The following DSCAM variants were observed in gnomAD, a reference collection of about 807,000 sequenced individuals.
DSCAM encodes cell adhesion molecule DSCAM.
In DSCAM, 47 loss-of-function variants were observed where a neutral mutation model predicts 217.7. The ratio of observed to expected loss-of-function variants is 0.22; its 90% CI spans 0.17 to 0.28. The LOEUF (loss-of-function observed/expected upper bound fraction) is 0.28, where lower values mean the gene tolerates loss of function less well. DSCAM is among the 10% of genes least tolerant of loss of function. The pLI is 1.00. For missense variants in DSCAM, 2,080 were observed against 2,618.3 expected, an observed-to-expected ratio of 0.79 and a Z score of 4.49; for synonymous variants, 1,056 against 1,015.3, an observed-to-expected ratio of 1.04 and a Z score of -0.76.
chr21:40,584,708 G>C (rs1003115133), intron 3 of DSCAM, among the ~76,000 whole-genome samples: 2 of 152,112 alleles, frequency 1.3e-5, no homozygotes, highest in African/African-American at 4.8e-5. Context: ...CCTGCGGAGG[G>C]GGTTCTCTCG....
chr21:40,298,775 A>T (rs2073983588), intron 9 of DSCAM, among the ~76,000 whole-genome samples: 1 of 152,188 alleles, frequency 6.6e-6, no homozygotes, highest in Non-Finnish European at 1.5e-5. Context: ...GAAATTGCTC[A>T]TCAATGGACA....
chr21:40,294,824 A>C (rs2073935479), intron 10 of DSCAM, among the ~76,000 whole-genome samples: 1 of 152,188 alleles, frequency 6.6e-6, no homozygotes, highest in Admixed American at 6.5e-5. Flanking sequence ...GGGGGCAGAG[A>C]CTCTGAATAA....
intron 11 of DSCAM, among the ~76,000 whole-genome samples, chr21:40,216,429 T>A (rs16999510): frequency 0.026 from 3,892 of 152,218 alleles, 173 homozygotes; most frequent in African/African-American, 0.09. Context: ...TCCATTTTTT[T>A]ATGAAATTTA....
chr21:40,473,016 G>A (rs184706163), intron 3 of DSCAM, among the ~76,000 whole-genome samples: 43 of 152,252 alleles, frequency 2.8e-4, no homozygotes, highest in African/African-American at 9.4e-4. Context: ...CAAAGCGGAC[G>A]GTCCATACGG....
At chr21:40,807,939 A>G (rs970062400) in intron 1 of DSCAM, among the ~76,000 whole-genome samples, 3 of 152,194 alleles carry the variant, frequency 2.0e-5, no homozygotes, top group Non-Finnish European at 4.4e-5. Flanking sequence ...TTTGTTGTCT[A>G]TAGTAGAAAC....
At chr21:40,802,460 G>A (rs765005018) in intron 1 of DSCAM, among the ~76,000 whole-genome samples, 53 of 152,152 alleles carry the variant, frequency 3.5e-4, no homozygotes, top group Admixed American at 5.9e-4. Flanking sequence ...TTGTATGTGA[G>A]AAGGACATGA....
intron 1 of DSCAM, among the ~76,000 whole-genome samples, chr21:40,825,409 C>T (rs776509967): frequency 6.6e-5 from 10 of 152,046 alleles, no homozygotes; most frequent in Non-Finnish European, 1.5e-4. Flanking sequence ...CCTCTGCCTC[C>T]CGGGTTCAAG....
At chr21:40,743,836 A>T (rs2091148781) in intron 1 of DSCAM, among the ~76,000 whole-genome samples, 1 of 152,152 alleles carries the variant, frequency 6.6e-6, no homozygotes, top group South Asian at 2.1e-4. Flanking sequence ...CAATAGATCT[A>T]AATACAATTC....
intron 20 of DSCAM, among the ~76,000 whole-genome samples, chr21:40,105,069 G>T (rs1261150023): frequency 6.6e-6 from 1 of 152,068 alleles, no homozygotes; most frequent in Non-Finnish European, 1.5e-5. Context: ...GATTTCCAGG[G>T]CCTCTTTCTG....
rs73368911 is a variant in DSCAM at position 40,598,893 on chromosome 21, T to C, written c.508+93917A>G. Among the ~76,000 whole-genome samples the C allele has an allele frequency of 5.4e-3, 828 of 152,318 alleles. 11 individuals carry two copies. Among genetic ancestry groups the C allele is most frequent in the African/African-American group, 0.019 (799 of 41,574 alleles). ...TAAGTTTTTTGAATTTTAGCCAGTT[T>C]AGTAGCTATAGAGTAGTATCTCGTT... On this transcript the variant is annotated intron_variant, in intron 3 of 32. Coordinates refer to ENST00000400454, the MANE Select transcript of DSCAM (RefSeq NM_001389.5).
chr21:40,329,608 G>A (rs1020050971), intron 8 of DSCAM, among the ~76,000 whole-genome samples: 6 of 132,224 alleles, frequency 4.5e-5, no homozygotes, highest in African/African-American at 2.9e-5. Flanking sequence ...GTGAGACTCC[G>A]TCTCTAAATA....
In DSCAM at chr21:40,364,690, G is replaced by GTATATATATA. The variant is rs71186930; in HGVS notation, c.655+4399_655+4408dup. ...ACTTAAAGTACAATTAAAAAAAAGT[G>GTATATATATA]TATATATATATATATATACACACAC... On this transcript the variant is annotated intron_variant, in intron 4 of 32. Coordinates refer to ENST00000400454, the MANE Select transcript of DSCAM (RefSeq NM_001389.5). Among the ~76,000 whole-genome samples the GTATATATATA allele has an allele frequency of 2.2e-4, 32 of 144,066 alleles. 1 individual carries two copies. The highest frequency in any genetic ancestry group is 3.9e-4 in the African/African-American group (15 of 38,614). The allele number at this position is 144,066 out of a possible 152,430, so 94.5% of individuals were successfully genotyped here.
intron 11 of DSCAM, among the ~76,000 whole-genome samples, chr21:40,216,538 T>C (rs574006037): frequency 4.6e-5 from 7 of 152,338 alleles, no homozygotes; most frequent in African/African-American, 1.2e-4. Flanking sequence ...CTTATCTACA[T>C]GGATATCTAT....
chr21:40,046,483 T>C (rs2088842591), intron 30 of DSCAM, among the ~76,000 whole-genome samples: 2 of 151,614 alleles, frequency 1.3e-5, no homozygotes, highest in African/African-American at 4.8e-5. Flanking sequence ...CAACCAGGTA[T>C]GAATGATAAT....
chr21:40,469,052 A>G (rs1032637798), intron 3 of DSCAM, among the ~76,000 whole-genome samples: 2 of 152,152 alleles, frequency 1.3e-5, no homozygotes, highest in Non-Finnish European at 2.9e-5. Flanking sequence ...ACGGGACTTC[A>G]GGAATAAAGA....
chr21:40,798,355 C>T (rs1027294774), intron 1 of DSCAM, among the ~76,000 whole-genome samples: 10 of 152,078 alleles, frequency 6.6e-5, no homozygotes, highest in East Asian at 1.9e-4. Context: ...CAAGTAGTTT[C>T]GATTGCATGA....
At chr21:40,533,585 C>T (rs1176704643) in intron 3 of DSCAM, among the ~76,000 whole-genome samples, 3 of 150,362 alleles carry the variant, frequency 2.0e-5, no homozygotes, top group Non-Finnish European at 4.4e-5. Flanking sequence ...ATCCATCCAA[C>T]CATCCATCCA....
intron 3 of DSCAM, among the ~76,000 whole-genome samples, chr21:40,597,909 C>T (rs925733475): frequency 3.3e-5 from 5 of 152,188 alleles, no homozygotes; most frequent in African/African-American, 9.6e-5. Flanking sequence ...ACTCAACTTC[C>T]TATATTATGA....
chr21:40,145,580 C>G (rs12151971), intron 16 of DSCAM, among the ~76,000 whole-genome samples: 27 of 151,998 alleles, frequency 1.8e-4, no homozygotes, highest in African/African-American at 6.5e-4. Context: ...CGCGGTGGCT[C>G]ACACCTGTAA....
Sources: gnomAD v4.1 joint callset for allele counts (sites outside exome capture counted in the v4.1 genomes callset) on GRCh38, gnomAD v4.1.1 for gene constraint, MANE v1.5 for transcripts, NCBI Gene and HGNC (gene_info 2026-07-23, HGNC 2026-07-21) for gene names.